Variants in KIAA1549L observed in about 807,000 individuals in gnomAD.
The protein encoded by KIAA1549L is UPF0606 protein KIAA1549L.
Under a neutral mutation model 160.7 loss-of-function variants are expected in KIAA1549L, and 88 were observed. That is an observed-to-expected ratio of 0.55 (90% CI 0.46 to 0.65). The LOEUF (loss-of-function observed/expected upper bound fraction) is 0.65. Ranked by LOEUF, KIAA1549L falls within the 30% of genes least tolerant of loss-of-function variation. The pLI is 0.00. For missense variants in KIAA1549L, 2,258 were observed against 2,437.5 expected (o/e 0.93, Z 1.55); for synonymous variants, 950 against 976.7 (o/e 0.97, Z 0.51).
chr11:33,661,199 G>A (rs1005789772), intron 20 of KIAA1549L, among the ~76,000 whole-genome samples, 185 bp downstream of exon 20: 4 of 152,200 alleles, frequency 2.6e-5, no homozygotes, highest in Non-Finnish European at 5.9e-5. Flanking sequence ...CCTTGACAGA[G>A]GACCTTGAGA....
Position 33,668,039 on chromosome 11 carries a change from A to G in KIAA1549L, c.6326A>G (p.Asp2109Gly). 6.2e-7 allele frequency: 1 copy of G among 1,613,826 alleles called. No homozygotes were observed. Among genetic ancestry groups the G allele is most frequent in the Non-Finnish European group, 8.5e-7 (1 of 1,179,868 alleles). ...AASQQSLAEN[D>G]PSDAPLTNIS... ...TCGCAGCAGAGCCTGGCAGAAAACG[A>G]CCCGTCTGACGCTCCCCTGACCAAC... The change falls in exon 21 of 21, where the codon GAC becomes GGC. Residue 2109 changes from aspartate (D) to glycine (G), a missense_variant. By Grantham distance (94) the Asp-to-Gly change is moderately conservative. Around this residue, in one of 6 missense-constraint regions of KIAA1549L, gnomAD observed 1,359 missense variants for 1,546.6 expected, o/e 0.88. Coordinates refer to ENST00000658780, the MANE Select transcript of KIAA1549L (RefSeq NM_012194.3).
chr11:33,559,830 G>T lies in KIAA1549L; in HGVS notation c.3937G>T (p.Val1313Phe). 1 of 1,613,960 alleles carries T rather than the reference G, an allele frequency of 6.2e-7. No homozygotes were observed. Among genetic ancestry groups the T allele is most frequent in the Non-Finnish European group, 8.5e-7 (1 of 1,179,848 alleles). Residue 1313 changes from valine (V) to phenylalanine (F), a missense_variant, in exon 7 of 21, where the codon GTC (valine) becomes TTC (phenylalanine). Physicochemically the swap from Val to Phe is conservative, Grantham distance 50. Around this residue, in one of 6 missense-constraint regions of KIAA1549L, gnomAD observed 1,359 missense variants for 1,546.6 expected, o/e 0.88. Coordinates refer to ENST00000658780, the MANE Select transcript of KIAA1549L (RefSeq NM_012194.3). ...GNQSTFLNGT[V>F]ASSLLSQLSA... ...TCAGAGCACATTCCTCAACGGCACCGTCGCCAGCAGCCTCCTCAGCCAGCT... is the reference window on the plus strand; with the variant it reads ...TCAGAGCACATTCCTCAACGGCACCTTCGCCAGCAGCCTCCTCAGCCAGCT...
chr11:33,510,847 G>A (rs2615935), intron 1 of KIAA1549L, among the ~76,000 whole-genome samples: 67,375 of 152,046 alleles, frequency 0.44, 15,128 homozygotes, highest in South Asian at 0.57. Flanking sequence ...CCTGGGTGGT[G>A]ACAGCCAGAT....
intron 1 of KIAA1549L, among the ~76,000 whole-genome samples, chr11:33,382,103 C>T (rs2761208): frequency 1 from 151,796 of 152,290 alleles, 75,651 homozygotes; most frequent in Middle Eastern, 1. Context: ...AGCATGGAAG[C>T]GAATAAGAAA....
intron 1 of KIAA1549L, among the ~76,000 whole-genome samples, chr11:33,442,931 T>A (rs1371193893): frequency 6.6e-6 from 1 of 152,220 alleles, no homozygotes; most frequent in Non-Finnish European, 1.5e-5. Context: ...AATTATGTCC[T>A]TGGCTATGTC....
At chr11:33,528,295 A>G (rs1362284719) in intron 1 of KIAA1549L, among the ~76,000 whole-genome samples, 1 of 152,220 alleles carries the variant, frequency 6.6e-6, no homozygotes, top group African/African-American at 2.4e-5. Context: ...TACTCCTGCA[A>G]GAATGGCCAT....
At chr11:33,556,919 T>C (rs1480003467) in intron 6 of KIAA1549L, among the ~76,000 whole-genome samples, 1 of 152,228 alleles carries the variant, frequency 6.6e-6, no homozygotes, top group Non-Finnish European at 1.5e-5. Flanking sequence ...TGGTCAAGTA[T>C]AGTATATACA....
intron 1 of KIAA1549L, among the ~76,000 whole-genome samples, chr11:33,433,395 C>T (rs1469863692): frequency 6.6e-6 from 1 of 152,128 alleles, no homozygotes; most frequent in Non-Finnish European, 1.5e-5. Flanking sequence ...CAATGAGATA[C>T]CATCTCATGC....
At chr11:33,659,333 A>G (rs1041674624) in intron 19 of KIAA1549L, among the ~76,000 whole-genome samples, 4 of 152,252 alleles carry the variant, frequency 2.6e-5, no homozygotes, top group Admixed American at 2.6e-4. Flanking sequence ...ATTTACATAA[A>G]TGATATCATG....
chr11:33,638,434 A>AT (rs1393937418), intron 16 of KIAA1549L, among the ~76,000 whole-genome samples: 21 of 22,346 alleles, frequency 9.4e-4, no homozygotes, highest in South Asian at 3.6e-3. Flanking sequence ...AAAAAAAAAA[A>AT]AATAAATAAA....
At chr11:33,440,442 TTATTA>T in intron 1 of KIAA1549L, among the ~76,000 whole-genome samples, 1 of 152,214 alleles carries the variant, frequency 6.6e-6, no homozygotes, top group East Asian at 1.9e-4. Flanking sequence ...TTTTGTTTCT[TTATTA>T]ACTTAAACAC....
chr11:33,474,012 C>T (rs1852235114), intron 1 of KIAA1549L, among the ~76,000 whole-genome samples: 1 of 152,140 alleles, frequency 6.6e-6, no homozygotes, highest in African/African-American at 2.4e-5. Context: ...AGGGAAAGTG[C>T]ACCAGCATCT....
At chr11:33,600,760 T>G (rs969794555) in intron 13 of KIAA1549L, among the ~76,000 whole-genome samples, 2 of 152,222 alleles carry the variant, frequency 1.3e-5, no homozygotes, top group Non-Finnish European at 2.9e-5. Context: ...AATGCTTTAT[T>G]TTGTTTTATT....
At chr11:33,443,729 G>GAA (rs397794081) in intron 1 of KIAA1549L, among the ~76,000 whole-genome samples, 101 of 147,616 alleles carry the variant, frequency 6.8e-4, no homozygotes, top group East Asian at 6.7e-3. Context: ...TTATGGAATT[G>GAA]AAAAAAAAAA....
rs757475102 is a variant in KIAA1549L at position 33,568,186 on chromosome 11, C to T, written c.4189C>T (p.Arg1397Trp). ...CATGATGTCCCAGCAACAAGGCCGG[C>T]GGTTTAAACGGGCCACCACCCTGGG... is the stretch of plus-strand genomic sequence containing the variant. ...LFMMSQQQGR[R>W]FKRATTLGSY... The change falls in exon 9 of 21, where the codon CGG (arginine) becomes TGG (tryptophan). Residue 1397 changes from arginine to tryptophan, a missense_variant. Transcript: ENST00000658780. The T allele has an allele frequency of 7.4e-6, 12 of 1,613,220 alleles. No homozygotes were observed. The highest frequency in any genetic ancestry group is 1.1e-5 in the South Asian group (1 of 90,984).
intron 1 of KIAA1549L, among the ~76,000 whole-genome samples, chr11:33,520,740 C>CACACACACACACA: frequency 6.9e-6 from 1 of 144,888 alleles, no homozygotes; most frequent in Non-Finnish European, 1.5e-5. Context: ...CACACACACA[C>CACACACACACACA]TCCCTCTCTC....
At chr11:33,466,009 A>G (rs1276129141) in intron 1 of KIAA1549L, among the ~76,000 whole-genome samples, 1 of 152,218 alleles carries the variant, frequency 6.6e-6, no homozygotes, top group African/African-American at 2.4e-5. Flanking sequence ...GTTAATCACA[A>G]CATGCCTTAT....
At chr11:33,607,062 T>TA (rs1298258145) in intron 14 of KIAA1549L, among the ~76,000 whole-genome samples, 1 of 152,078 alleles carries the variant, frequency 6.6e-6, no homozygotes, top group Non-Finnish European at 1.5e-5. Flanking sequence ...AAGGAACTGT[T>TA]AAAAAAATGT....
intron 8 of KIAA1549L, among the ~76,000 whole-genome samples, chr11:33,562,968 G>T (rs189275487): frequency 6.6e-6 from 1 of 151,850 alleles, no homozygotes; most frequent in Non-Finnish European, 1.5e-5. Context: ...GGTGTGAGCC[G>T]CTGTGCCTGG....
Sources: gnomAD v4.1 joint callset for allele counts (sites outside exome capture counted in the v4.1 genomes callset) on GRCh38, gnomAD v4.1.1 for gene constraint, gnomAD v4.1.1 regional missense constraint, MANE v1.5 for transcripts, NCBI Gene and HGNC (gene_info 2026-07-23, HGNC 2026-07-21) for gene names.